ARHGAP6: variants seen among roughly 807,000 people sequenced by gnomAD.
ARHGAP6 encodes Rho GTPase activating protein 6, also known as rho GTPase-activating protein 6.
In ARHGAP6, 16 loss-of-function variants were observed where a neutral mutation model predicts 55.7. The ratio of observed to expected loss-of-function variants is 0.29; its 90% CI spans 0.19 to 0.44. The LOEUF (loss-of-function observed/expected upper bound fraction) is 0.44, where lower values mean the gene tolerates loss of function less well. Ranked by LOEUF, ARHGAP6 falls within the 20% of genes least tolerant of loss-of-function variation. The pLI, the probability that ARHGAP6 is intolerant of heterozygous loss-of-function variation, is 1.00. For synonymous variants in ARHGAP6, 382 were observed against 360.9 expected, an observed-to-expected ratio of 1.06 and a Z score of -0.66; for missense variants, 698 against 808.9, an observed-to-expected ratio of 0.86 and a Z score of 1.66.
chrX:11,416,814 C>G (rs2049753339), intron 1 of ARHGAP6, among the ~76,000 whole-genome samples: 2 of 108,853 alleles, frequency 1.8e-5, no homozygotes, highest in African/African-American at 6.7e-5. Context: ...AGTGCCAGCT[C>G]TCATGTACCT....
intron 1 of ARHGAP6, among the ~76,000 whole-genome samples, chrX:11,476,209 G>A (rs1407376478): frequency 9.0e-6 from 1 of 111,079 alleles, no homozygotes; most frequent in Non-Finnish European, 1.9e-5. Context: ...GCCTCAGGAT[G>A]CAAGGTTAAT....
intron 1 of ARHGAP6, among the ~76,000 whole-genome samples, chrX:11,360,185 C>T (rs1274149550): frequency 9.0e-6 from 1 of 111,656 alleles, no homozygotes; most frequent in Non-Finnish European, 1.9e-5. Context: ...ATACCAAAGC[C>T]GGGCAGAGAC....
chrX:11,552,544 A>G (rs2051276708), intron 1 of ARHGAP6, among the ~76,000 whole-genome samples: 1 of 71,281 alleles, frequency 1.4e-5, no homozygotes, highest in Non-Finnish European at 2.6e-5. Context: ...GAACTGATAA[A>G]GAAAATGTGC....
chrX:11,500,460 A>G (rs1047236598), intron 1 of ARHGAP6, among the ~76,000 whole-genome samples: 1 of 110,316 alleles, frequency 9.1e-6, no homozygotes, highest in South Asian at 3.9e-4. Flanking sequence ...CAGGAGTTCA[A>G]GACCAGCCTG....
intron 1 of ARHGAP6, among the ~76,000 whole-genome samples, chrX:11,363,335 C>T (rs1464253022): frequency 1.8e-5 from 2 of 112,253 alleles, no homozygotes; most frequent in Non-Finnish European, 3.8e-5. Context: ...TGTTCCACCA[C>T]ACAAAACAGT....
chrX:11,319,753 T>A (rs905356350), intron 1 of ARHGAP6, among the ~76,000 whole-genome samples: 1 of 112,520 alleles, frequency 8.9e-6, no homozygotes, highest in African/African-American at 3.2e-5. Context: ...TAAATCGTGG[T>A]ACATTTCTTG....
At chrX:11,313,459 T>C (rs1250945025) in intron 1 of ARHGAP6, among the ~76,000 whole-genome samples, 2 of 111,956 alleles carry the variant, frequency 1.8e-5, no homozygotes, top group Non-Finnish European at 3.8e-5. Flanking sequence ...GTCTATGCTG[T>C]TTCCTTTGCT....
rs146019249 is a variant in ARHGAP6 at position 11,483,325 on chromosome X, G to A, written c.588+180916C>T. 9.6e-3 allele frequency among the ~76,000 whole-genome samples: 1,079 copies of A among 112,021 alleles called. 9 individuals are homozygous for A. The highest frequency in any genetic ancestry group is 0.034 in the African/African-American group (1,032 of 30,779). On this transcript the variant is annotated intron_variant, in intron 1 of 12. Transcript: ENST00000337414. ...GTAAACCACTCATGTTAACTCCGTCGCTTCTTGCCAATAATTGGTCTTGGA... is the reference window on the plus strand; with the variant it reads ...GTAAACCACTCATGTTAACTCCGTCACTTCTTGCCAATAATTGGTCTTGGA...
intron 1 of ARHGAP6, among the ~76,000 whole-genome samples, chrX:11,346,963 G>A (rs560427246): frequency 5.6e-5 from 6 of 107,639 alleles, no homozygotes; most frequent in Admixed American, 9.8e-5. Flanking sequence ...ACAAACTAGT[G>A]TGCTCTACAA....
chrX:11,311,071 T>C (rs1160299358), intron 1 of ARHGAP6, among the ~76,000 whole-genome samples: 2 of 111,752 alleles, frequency 1.8e-5, no homozygotes, highest in Non-Finnish European at 3.8e-5. Flanking sequence ...AGGGAAAGGA[T>C]ATACTTTTTT....
rs779045156 is a variant in ARHGAP6, at chrX:11,142,004, T to C, written c.2257+229A>G. Among the ~76,000 whole-genome samples, 3 of 111,779 alleles carry C rather than the reference T, an allele frequency of 2.7e-5. No homozygotes were observed. The East Asian group carries it at 8.4e-4, about 31-fold the overall frequency. ...TGGAAGTTAGAAAATAATACAAAGT[T>C]GCACAGACAGAGTGACTGTAACTAT... On this transcript the variant is annotated intron_variant, in intron 12 of 12. Coordinates refer to ENST00000337414, the MANE Select transcript of ARHGAP6 (RefSeq NM_013427.3).
At chrX:11,220,472 A>G (rs1320935346) in intron 2 of ARHGAP6, among the ~76,000 whole-genome samples, 1 of 111,467 alleles carries the variant, frequency 9.0e-6, no homozygotes, top group Non-Finnish European at 1.9e-5. Flanking sequence ...AGTGGGGGCC[A>G]ATATTCAACA....
At chrX:11,539,338 C>T (rs1301881820) in intron 1 of ARHGAP6, among the ~76,000 whole-genome samples, 1 of 112,205 alleles carries the variant, frequency 8.9e-6, no homozygotes, top group Admixed American at 9.4e-5. Flanking sequence ...AGAAATGAGC[C>T]ATTGAGACAA....
At chrX:11,652,967 T>C (rs1460563975) in intron 1 of ARHGAP6, among the ~76,000 whole-genome samples, 1 of 112,148 alleles carries the variant, frequency 8.9e-6, no homozygotes, top group East Asian at 2.8e-4. Flanking sequence ...AAAGAGAATC[T>C]GATTGTAGAT....
At chrX:11,383,573 T>C (rs1245091791) in intron 1 of ARHGAP6, among the ~76,000 whole-genome samples, 2 of 111,430 alleles carry the variant, frequency 1.8e-5, no homozygotes, top group Non-Finnish European at 3.8e-5. Flanking sequence ...GGCTGTACTG[T>C]TCTGACTCAA....
chrX:11,362,520 G>A (rs1232151372), intron 1 of ARHGAP6, among the ~76,000 whole-genome samples: 2 of 109,738 alleles, frequency 1.8e-5, no homozygotes, highest in Non-Finnish European at 3.8e-5. Flanking sequence ...TGGCGGAAGG[G>A]GGGAGGGTTA....
chrX:11,323,782 T>C (rs1280117248), intron 1 of ARHGAP6, among the ~76,000 whole-genome samples: 2 of 106,023 alleles, frequency 1.9e-5, no homozygotes, highest in Non-Finnish European at 3.9e-5. Flanking sequence ...GGAGAATTGC[T>C]TGAACCCGGG....
At position 11,190,187 on chromosome X, in the gene ARHGAP6, A is replaced by G. The variant is rs73494717; in HGVS notation, c.821-1203T>C. Reference sequence around the variant, plus strand: ...CAGAAATGCTACTTGAAAAGCCTGCACCTCTGGTTCTATCAAAGCATGCAA... The same window carrying G: ...CAGAAATGCTACTTGAAAAGCCTGCGCCTCTGGTTCTATCAAAGCATGCAA... On this transcript the variant is annotated intron_variant, in intron 3 of 12. Transcript: ENST00000337414. Among the ~76,000 whole-genome samples the G allele has an allele frequency of 5.0e-3, 560 of 112,135 alleles. 3 individuals are homozygous for G. The highest frequency in any genetic ancestry group is 0.017 in the African/African-American group (515 of 30,917).
At chrX:11,214,194 A>G (rs2046844518) in intron 2 of ARHGAP6, among the ~76,000 whole-genome samples, 1 of 110,426 alleles carries the variant, frequency 9.1e-6, no homozygotes, top group African/African-American at 3.3e-5. Flanking sequence ...TATGAATATA[A>G]AAAGTATGCC....
Sources: gnomAD v4.1 joint callset for allele counts (sites outside exome capture counted in the v4.1 genomes callset) on GRCh38, gnomAD v4.1.1 for gene constraint, MANE v1.5 for transcripts, NCBI Gene and HGNC (gene_info 2026-07-23, HGNC 2026-07-21) for gene names.